STX18: variants seen among roughly 807,000 people sequenced by gnomAD.
STX18 encodes the protein syntaxin-18.
STX18 carries 40 observed loss-of-function variants against 50.1 expected under a neutral mutation model. The ratio of observed to expected loss-of-function variants is 0.80; its 90% CI spans 0.62 to 1.04. The LOEUF (loss-of-function observed/expected upper bound fraction) is 1.04. STX18 is among the 50% of genes least tolerant of loss of function. STX18 has a pLI of 0.00. For synonymous variants in STX18, 158 were observed against 151.8 expected (o/e 1.04, Z -0.30); for missense variants, 410 against 415.8 (o/e 0.99, Z 0.12).
intron 5 of STX18, among the ~76,000 whole-genome samples, chr4:4,438,786 T>A (rs1282628156): frequency 1.3e-5 from 2 of 151,912 alleles, no homozygotes; most frequent in African/African-American, 4.8e-5. Flanking sequence ...TGGTATGTGC[T>A]GAATACGCTC....
At chr4:4,453,116 T>C (rs778377340) in intron 5 of STX18, among the ~76,000 whole-genome samples, 5 of 152,184 alleles carry the variant, frequency 3.3e-5, no homozygotes, top group Admixed American at 6.5e-5. Flanking sequence ...ACTGTGAACA[T>C]TGTTGAAATA....
chr4:4,480,590 C>T (rs762913590), intron 1 of STX18, among the ~76,000 whole-genome samples: 2 of 152,240 alleles, frequency 1.3e-5, no homozygotes, highest in Non-Finnish European at 1.5e-5. Context: ...GCTGAGGCGT[C>T]TGCCTAGCCC....
chr4:4,509,021 T>C (rs565347040), intron 1 of STX18, among the ~76,000 whole-genome samples: 1 of 152,302 alleles, frequency 6.6e-6, no homozygotes, highest in African/African-American at 2.4e-5. Context: ...CTGCAGTGAA[T>C]GTATGCATGC....
At chr4:4,525,601 C>T (rs2108912748) in intron 1 of STX18, among the ~76,000 whole-genome samples, 1 of 152,226 alleles carries the variant, frequency 6.6e-6, no homozygotes, top group East Asian at 1.9e-4. Flanking sequence ...TCTGTTCTGT[C>T]TAAAGGCTGT....
At chr4:4,423,984 G>A (rs1377608146) in intron 8 of STX18, among the ~76,000 whole-genome samples, 5 of 152,146 alleles carry the variant, frequency 3.3e-5, no homozygotes, top group Non-Finnish European at 5.9e-5. Flanking sequence ...ACACATGGTG[G>A]GGATTCAGAA....
chr4:4,507,814 G>GGA, intron 1 of STX18: 2 of 191,426 alleles, frequency 1.0e-5, no homozygotes, highest in African/African-American at 1.2e-4. Context: ...TATATTCACA[G>GGA]TAAAAAAAAA....
chr4:4,457,110 G>T, intron 5 of STX18, 81 bp downstream of exon 5: 1 of 1,306,672 alleles, frequency 7.7e-7, no homozygotes, highest in East Asian at 2.4e-5. Flanking sequence ...CATTGCATAG[G>T]GTAAGTGCTC....
chr4:4,459,198 G>T (rs11729131), intron 3 of STX18, among the ~76,000 whole-genome samples, 174 bp downstream of exon 3: 28,121 of 152,062 alleles, frequency 0.18, 2,806 homozygotes, highest in African/African-American at 0.25. Flanking sequence ...TACAGCCTTT[G>T]CAGTACTTTT....
At chr4:4,422,637 C>G (rs755497321) in intron 9 of STX18, among the ~76,000 whole-genome samples, 2 of 152,080 alleles carry the variant, frequency 1.3e-5, no homozygotes, top group Non-Finnish European at 2.9e-5. Flanking sequence ...CAAGGCAAGG[C>G]TCTGCCTATG....
chr4:4,420,988 A>G lies in STX18; in HGVS notation c.832-44T>C, dbSNP rs776037090. The G allele has an allele frequency of 5.3e-5, 85 of 1,589,104 alleles. No individual in the cohort carries two copies. Among genetic ancestry groups the G allele is most frequent in the Non-Finnish European group, 6.6e-5 (76 of 1,158,668 alleles). ...ATACAAGTTGAGTATCCTTTATCCA[A>G]AAACCTGAAACCCAAAATGCTCCAA... On this transcript the variant is annotated intron_variant, in intron 9 of 10. Coordinates refer to ENST00000306200, the MANE Select transcript of STX18 (RefSeq NM_016930.4). This position sits in a 1 kb window ranked among gnomAD's most constrained non-coding sequence, Gnocchi z 4.3.
intron 2 of STX18, among the ~76,000 whole-genome samples, chr4:4,461,688 G>T (rs919632409): frequency 6.6e-6 from 1 of 152,184 alleles, no homozygotes; most frequent in African/African-American, 2.4e-5. Flanking sequence ...TTGGGAGGGA[G>T]AACTTGATGA....
chr4:4,435,930 G>A (rs1447897049), intron 6 of STX18, among the ~76,000 whole-genome samples: 1 of 152,206 alleles, frequency 6.6e-6, no homozygotes, highest in Admixed American at 6.5e-5. Flanking sequence ...AGGGGAGAGG[G>A]ATGGCAGGGA....
chr4:4,472,778 A>G (rs1727986156), intron 1 of STX18, among the ~76,000 whole-genome samples: 1 of 152,222 alleles, frequency 6.6e-6, no homozygotes, highest in African/African-American at 2.4e-5. Context: ...ATCAATAAAC[A>G]CTGTGGAATG....
chr4:4,421,572 C>T (rs1724967040), intron 9 of STX18, among the ~76,000 whole-genome samples: 1 of 152,146 alleles, frequency 6.6e-6, no homozygotes. Flanking sequence ...CATCTTGTTG[C>T]AGTGCTCCTT....
intron 2 of STX18, among the ~76,000 whole-genome samples, chr4:4,470,570 A>G (rs1727860631): frequency 6.6e-6 from 1 of 152,254 alleles, no homozygotes; most frequent in Non-Finnish European, 1.5e-5. Context: ...TTAAATAATT[A>G]CAAATTGTGT....
intron 1 of STX18, among the ~76,000 whole-genome samples, chr4:4,513,628 A>G (rs573656481): frequency 6.6e-6 from 1 of 152,338 alleles, no homozygotes; most frequent in Admixed American, 6.5e-5. Flanking sequence ...TAAATGTGAC[A>G]CACTGAAAAT....
chr4:4,439,166 TATA>T (rs1725958816), intron 5 of STX18, among the ~76,000 whole-genome samples: 1 of 100,718 alleles, frequency 9.9e-6, no homozygotes, highest in African/African-American at 4.0e-5. Flanking sequence ...CCCACACATA[TATA>T]ACCCCCTACA....
At chr4:4,489,570 A>G (rs1338588220) in intron 1 of STX18, among the ~76,000 whole-genome samples, 1 of 151,744 alleles carries the variant, frequency 6.6e-6, no homozygotes, top group Non-Finnish European at 1.5e-5. Context: ...ATTTCAAGAG[A>G]TAAGTTACAG....
At chr4:4,422,548 G>A (rs1452116689) in intron 9 of STX18, among the ~76,000 whole-genome samples, 7 of 142,770 alleles carry the variant, frequency 4.9e-5, no homozygotes, top group African/African-American at 1.0e-4. Flanking sequence ...CAGCCTGGGC[G>A]ACACAGCAAG....
Sources: gnomAD v4.1 joint callset for allele counts (sites outside exome capture counted in the v4.1 genomes callset) on GRCh38, gnomAD v4.1.1 for gene constraint, Gnocchi (gnomAD v3.1) non-coding constraint, MANE v1.5 for transcripts, NCBI Gene and HGNC (gene_info 2026-07-23, HGNC 2026-07-21) for gene names.